MIOS: variants seen among roughly 807,000 people sequenced by gnomAD.
MIOS encodes the protein GATOR2 complex protein MIOS.
Under a neutral mutation model 96.9 loss-of-function variants are expected in MIOS, and 52 were observed. The observed-to-expected ratio is 0.54, with a 90% CI of 0.43 to 0.68. MIOS has a LOEUF of 0.68. Ranked by LOEUF, MIOS falls within the 30% of genes least tolerant of loss-of-function variation. The pLI is 0.00. For synonymous variants in MIOS, 397 were observed against 359.5 expected, an observed-to-expected ratio of 1.10 and a Z score of -1.18; for missense variants, 1,005 against 1,052.8, an observed-to-expected ratio of 0.95 and a Z score of 0.63.
At chr7:7,593,879 C>CAAA (rs35986278) in intron 9 of MIOS, among the ~76,000 whole-genome samples, 3,816 of 47,112 alleles carry the variant, frequency 0.081, 190 homozygotes, top group Middle Eastern at 0.14. Context: ...ACTCTGTCTC[C>CAAA]AAAAAAAAAA....
chr7:7,583,499 TGGA>T (rs1183979506), intron 6 of MIOS, 127 bp downstream of exon 6: 5 of 1,119,666 alleles, frequency 4.5e-6, no homozygotes, highest in Middle Eastern at 2.9e-4. Context: ...TAATTTTTGT[TGGA>T]GGAGAAAACA....
intron 11 of MIOS, among the ~76,000 whole-genome samples, chr7:7,602,130 A>G (rs888476961): frequency 5.3e-5 from 8 of 152,330 alleles, no homozygotes; most frequent in Admixed American, 3.3e-4. Flanking sequence ...TGAATGGACA[A>G]AAAACTGGAA....
intron 11 of MIOS, among the ~76,000 whole-genome samples, chr7:7,598,200 C>G (rs772642221): frequency 6.6e-6 from 1 of 152,176 alleles, no homozygotes; most frequent in South Asian, 2.1e-4. Flanking sequence ...GTCAGAATGT[C>G]TGTTTTAATT....
chr7:7,567,997 A>T (rs959778976), intron 2 of MIOS, 29 bp from the exon 3 acceptor site: 1 of 149,082 alleles, frequency 6.7e-6, no homozygotes, highest in African/African-American at 2.4e-5. Context: ...TTTAAATCAT[A>T]TGGCTCACAC....
intron 3 of MIOS, among the ~76,000 whole-genome samples, chr7:7,571,964 G>T (rs1783369930): frequency 6.6e-6 from 1 of 152,250 alleles, no homozygotes; most frequent in Admixed American, 6.5e-5. Context: ...AGCTACATGT[G>T]GCTAGTGGCT....
At position 7,572,015 on chromosome 7, in the gene MIOS, G is replaced by A. The variant is rs1429689852; in HGVS notation, c.-40-421G>A. On this transcript the variant is annotated intron_variant, in intron 3 of 12. Coordinates refer to ENST00000340080, the MANE Select transcript of MIOS (RefSeq NM_019005.4). The surrounding 1 kb of genome is among the most constrained non-coding windows in gnomAD (Gnocchi z 4.8). The stretch of plus-strand genomic sequence containing the variant: ...ATGAACATGAAACATTTCTGTCATT[G>A]CAGAAAGTTTTATTGGGCAGTGCTG... Among the ~76,000 whole-genome samples the A allele has an allele frequency of 2.0e-5, 3 of 152,208 alleles. No individual in the cohort carries two copies. Among genetic ancestry groups the A allele is most frequent in the Non-Finnish European group, 4.4e-5 (3 of 68,038 alleles).
intron 3 of MIOS, among the ~76,000 whole-genome samples, chr7:7,568,329 C>T (rs987743929): frequency 1.2e-4 from 18 of 152,058 alleles, no homozygotes; most frequent in Non-Finnish European, 2.4e-4. Context: ...GATTTTATCT[C>T]GGTTTTATGG....
intron 3 of MIOS, among the ~76,000 whole-genome samples, chr7:7,570,925 C>G (rs952651612): frequency 6.6e-6 from 1 of 152,114 alleles, no homozygotes; most frequent in Non-Finnish European, 1.5e-5. Context: ...GTTGGGGACC[C>G]CTGGTCTAAA....
rs1245204382 is a variant in MIOS, at chr7:7,572,802, T to A, written c.327T>A (p.Val109=). The change falls in exon 4 of 13, where the codon GTT becomes GTA. Residue 109 remains valine (V), a synonymous_variant. Transcript: ENST00000340080. The surrounding 1 kb of genome is among the most constrained non-coding windows in gnomAD (Gnocchi z 4.8). ...AAGATTTGATAGGAAAAGAGTTTGT[T>A]CCAAAACATGCACGACAATGTAATA... ...KFKDLIGKEF[V]PKHARQCNTL... is the part of the protein sequence containing the mutation. 6.2e-7 allele frequency: 1 copy of A among 1,614,058 alleles called. No individual in the cohort carries two copies. The highest frequency in any genetic ancestry group is 8.5e-7 in the Non-Finnish European group (1 of 1,180,002).
intron 5 of MIOS, among the ~76,000 whole-genome samples, chr7:7,575,317 T>G (rs1263580181): frequency 6.6e-6 from 1 of 152,160 alleles, no homozygotes; most frequent in Non-Finnish European, 1.5e-5. Flanking sequence ...ATTATAGTGT[T>G]TTTTTAACGT....
chr7:7,581,244 T>G (rs1391042542), intron 5 of MIOS, among the ~76,000 whole-genome samples: 4 of 138,564 alleles, frequency 2.9e-5, no homozygotes, highest in Non-Finnish European at 6.4e-5. Context: ...GAGGTTGCAG[T>G]GAGCTGAGAT....
In MIOS at chr7:7,574,158, T is replaced by C; in HGVS notation, c.1355T>C (p.Val452Ala). Reference protein sequence around the residue: ...QKSPGNKGSLVYAGIKSIVKS... With the variant: ...QKSPGNKGSLAYAGIKSIVKS... The stretch of plus-strand genomic sequence containing the variant: ...TCTCCAGGCAACAAAGGATCATTGG[T>C]TTATGCAGGAATTAAATCAATTGTA... The change falls in exon 5 of 13, where the codon GTT becomes GCT. Residue 452 changes from valine to alanine, a missense_variant. Transcript: ENST00000340080. The C allele has an allele frequency of 6.2e-7, 1 of 1,610,874 alleles. No homozygotes were observed. The highest frequency in any genetic ancestry group is 8.5e-7 in the Non-Finnish European group (1 of 1,178,232).
intron 7 of MIOS, among the ~76,000 whole-genome samples, chr7:7,588,088 A>G (rs967808492): frequency 6.6e-6 from 1 of 152,108 alleles, no homozygotes. Flanking sequence ...CAATTCACAA[A>G]TTTCTTAGAC....
intron 5 of MIOS, among the ~76,000 whole-genome samples, chr7:7,574,670 A>T (rs927466660): frequency 5.3e-5 from 8 of 152,136 alleles, no homozygotes; most frequent in Non-Finnish European, 7.4e-5. Flanking sequence ...TGGAGGAATT[A>T]TACCTGATAT....
At chr7:7,596,196 G>A in intron 10 of MIOS, 61 bp from the exon 11 acceptor site, 4 of 1,437,016 alleles carry the variant, frequency 2.8e-6, no homozygotes, top group Non-Finnish European at 2.9e-6. Flanking sequence ...CGCACACTAA[G>A]TTATTTAGCA....
At chr7:7,576,329 A>T (rs937880185) in intron 5 of MIOS, among the ~76,000 whole-genome samples, 1 of 152,220 alleles carries the variant, frequency 6.6e-6, no homozygotes, top group Non-Finnish European at 1.5e-5. Flanking sequence ...ATTGAGCAGG[A>T]TCAATGTCAT....
At chr7:7,605,347 T>A (rs1465596340) in intron 11 of MIOS, 2 of 151,142 alleles carry the variant, frequency 1.3e-5, no homozygotes, top group South Asian at 2.1e-4. Flanking sequence ...CAGCCTGGAG[T>A]GCAGCAGTGC....
rs1361165414 is a variant in MIOS, at chr7:7,607,640, GTGTGTGTGTATATT to G, written c.*550_*563del. 6.6e-6 allele frequency: 1 copy of G among 150,850 alleles called. No individual in the cohort carries two copies. Among genetic ancestry groups the G allele is most frequent in the African/African-American group, 2.4e-5 (1 of 41,300 alleles). The allele number at this position is 150,850 out of a possible 1,614,324, so 9.3% of individuals were successfully genotyped here. A position where few individuals can be genotyped will look rare whatever the true frequency, so the allele number is the denominator to read the frequency against. ...TACTGTCTGTTATATATGTGTCTAT[GTGTGTGTGTATATT>G]TATGTGTGTATGTATAAATATGTAT... On this transcript the variant is annotated 3_prime_UTR_variant, in exon 13 of 13. Coordinates refer to ENST00000340080, the MANE Select transcript of MIOS (RefSeq NM_019005.4).
intron 11 of MIOS, among the ~76,000 whole-genome samples, chr7:7,601,150 T>G (rs151254132): frequency 0.012 from 1,844 of 151,872 alleles, 25 homozygotes; most frequent in South Asian, 0.042. Context: ...ACATCACAAT[T>G]GAAAGAACTA....
Sources: gnomAD v4.1 joint callset for allele counts (sites outside exome capture counted in the v4.1 genomes callset) on GRCh38, gnomAD v4.1.1 for gene constraint, Gnocchi (gnomAD v3.1) non-coding constraint, MANE v1.5 for transcripts, NCBI Gene and HGNC (gene_info 2026-07-23, HGNC 2026-07-21) for gene names.